The following ENKUR variants were observed in gnomAD, a reference collection of about 807,000 sequenced individuals.
The protein encoded by ENKUR is enkurin, TRPC channel interacting protein, also known as enkurin.
ENKUR carries 19 observed loss-of-function variants against 27.6 expected under a neutral mutation model. The observed-to-expected ratio is 0.69, with a 90% confidence interval of 0.48 to 1.01. The LOEUF (loss-of-function observed/expected upper bound fraction) is 1.01, where lower values mean the gene tolerates loss of function less well. Among genes scored for constraint, ENKUR ranks in the 50% least tolerant of loss-of-function variants. The probability of loss-of-function intolerance (pLI) is 0.00; values close to 1 mark genes in which losing one functional copy is unlikely to be tolerated. For synonymous variants in ENKUR, 117 were observed against 96.9 expected (o/e 1.21, Z -1.22); for missense variants, 312 against 310.5 (o/e 1.00, Z -0.04).
chr10:25,014,738 C>A (rs1850527009), intron 1 of ENKUR, among the ~76,000 whole-genome samples: 1 of 152,154 alleles, frequency 6.6e-6, no homozygotes, highest in South Asian at 2.1e-4. Flanking sequence ...TGTGCCATAA[C>A]TTACTTTACA....
At chr10:24,998,358 C>CCTCT (rs34059986) in intron 2 of ENKUR, among the ~76,000 whole-genome samples, 119 of 117,404 alleles carry the variant, frequency 1.0e-3, no homozygotes, top group Middle Eastern at 4.2e-3. Flanking sequence ...TTCCTTCCTT[C>CCTCT]CTCTCTCTCT....
At chr10:24,996,454 G>GTATATATATATA (rs774819339) in intron 2 of ENKUR, among the ~76,000 whole-genome samples, 196 of 149,484 alleles carry the variant, frequency 1.3e-3, no homozygotes, top group South Asian at 5.8e-3. Flanking sequence ...GTGTGTGTGT[G>GTATATATATATA]TGTATATATA....
At chr10:25,029,721 T>A (rs1202530787) in intron 2 of ENKUR, among the ~76,000 whole-genome samples, 1 of 152,200 alleles carries the variant, frequency 6.6e-6, no homozygotes, top group African/African-American at 2.4e-5. Context: ...TTGAAACTTT[T>A]GCTTTCAAAA....
intron 1 of ENKUR, among the ~76,000 whole-genome samples, chr10:25,005,042 C>T (rs182571449): frequency 2.7e-4 from 41 of 152,150 alleles, no homozygotes; most frequent in Admixed American, 8.5e-4. Context: ...TTGTGTTTGT[C>T]GGGTTTGTCA....
At chr10:24,988,675 T>C (rs1849849852) in intron 4 of ENKUR, among the ~76,000 whole-genome samples, 1 of 1,182 alleles carries the variant, frequency 8.5e-4, no homozygotes, top group Non-Finnish European at 2.0e-3. Context: ...TATATATATA[T>C]ATATATATAT....
chr10:25,034,192 T>C (rs1457504457), intron 2 of ENKUR, among the ~76,000 whole-genome samples: 1 of 152,178 alleles, frequency 6.6e-6, no homozygotes, highest in East Asian at 1.9e-4. Flanking sequence ...AGATTGTTTA[T>C]ATCAGTAAAA....
chr10:25,023,898 T>C, intron 2 of ENKUR: 1 of 1,614,188 alleles, frequency 6.2e-7, no homozygotes, highest in Non-Finnish European at 8.5e-7. Flanking sequence ...GATACCAAGA[T>C]GTGGACTCGG....
chr10:25,025,618 CA>C, intron 2 of ENKUR: 2 of 655,598 alleles, frequency 3.1e-6, no homozygotes. Context: ...AACTCCATGT[CA>C]CCTCCTCAGA....
intron 4 of ENKUR, among the ~76,000 whole-genome samples, chr10:24,988,931 T>C (rs1237129149): frequency 6.6e-6 from 1 of 151,540 alleles, no homozygotes; most frequent in Non-Finnish European, 1.5e-5. Flanking sequence ...GGTGGCTTTG[T>C]TACTATGGCA....
At chr10:25,024,670 C>G (rs1349707433) in intron 2 of ENKUR, 2 of 1,614,226 alleles carry the variant, frequency 1.2e-6, no homozygotes, top group East Asian at 4.5e-5. Context: ...GGTAGTTTAT[C>G]ATGCTTCCGC....
Position 25,023,083 on chromosome 10 carries a change from T to C in ENKUR, c.38-27214A>G, listed in dbSNP as rs189603421. 1.4e-4 allele frequency: 107 copies of C among 784,744 alleles called. 1 individual carries two copies. The East Asian group carries it at 2.8e-3, about 21-fold the overall frequency. The allele number at this position is 784,744 out of a possible 1,614,324, so 48.6% of individuals were successfully genotyped here. A position where few individuals can be genotyped will look rare whatever the true frequency, so the allele number is the denominator to read the frequency against. ...AACAGTTTATGTACCATGGGCATGG[T>C]TATATTCAGTCCTATTGGGATTTTA... On this transcript the variant is annotated intron_variant, in intron 2 of 5. Coordinates refer to the ENKUR transcript ENST00000615958.
At chr10:25,004,288 T>C (rs1297866162) in intron 1 of ENKUR, among the ~76,000 whole-genome samples, 1 of 152,254 alleles carries the variant, frequency 6.6e-6, no homozygotes, top group Non-Finnish European at 1.5e-5. Flanking sequence ...TTTGGGTATA[T>C]ATCCAGTTAT....
At position 24,984,305 on chromosome 10, in the gene ENKUR, A is replaced by G; in HGVS notation, c.*65T>C. 6.4e-7 allele frequency: 1 copy of G among 1,564,678 alleles called. No individual in the cohort carries two copies. Among genetic ancestry groups the G allele is most frequent in the Admixed American group, 1.8e-5 (1 of 54,296 alleles). ...GTGTTGGAGACAGTTTAGAGTAGCA[A>G]GAAGGCACGTGTTACTATTTCCAGT... On this transcript the variant is annotated 3_prime_UTR_variant, in exon 6 of 6. Transcript: ENST00000331161.
chr10:25,039,982 T>C (rs1213809891), intron 2 of ENKUR, among the ~76,000 whole-genome samples: 2 of 144,604 alleles, frequency 1.4e-5, no homozygotes, highest in East Asian at 4.0e-4. Flanking sequence ...GTCTGGGCCT[T>C]GGTGCTGGCT....
At chr10:25,028,678 G>A (rs1850898517) in intron 2 of ENKUR, among the ~76,000 whole-genome samples, 1 of 152,044 alleles carries the variant, frequency 6.6e-6, no homozygotes, top group Admixed American at 6.6e-5. Flanking sequence ...CTACATACAT[G>A]GTCTCCACTT....
intron 1 of ENKUR, 25 bp from the exon 2 acceptor site, chr10:24,999,571 A>G (rs779886703): frequency 1.9e-6 from 3 of 1,575,750 alleles, no homozygotes; most frequent in Non-Finnish European, 2.6e-6. Flanking sequence ...TAAAAGTTGT[A>G]GCATTTATAC....
chr10:24,998,973 G>A (rs1034730421), intron 2 of ENKUR, among the ~76,000 whole-genome samples: 2 of 152,184 alleles, frequency 1.3e-5, no homozygotes, highest in East Asian at 3.8e-4. Context: ...TACTCAAAAT[G>A]AGCCCAGTAG....
intron 4 of ENKUR, among the ~76,000 whole-genome samples, chr10:24,990,198 A>C (rs1354118475): frequency 6.6e-6 from 1 of 152,240 alleles, no homozygotes; most frequent in South Asian, 2.1e-4. Context: ...TTGTAGAGGA[A>C]GGTAGGCTTC....
rs143076199 is a variant in ENKUR, at chr10:25,025,198, C to T, written c.38-29329G>A. The T allele has an allele frequency of 3.2e-5, 52 of 1,613,990 alleles. No individual in the cohort carries two copies. Among genetic ancestry groups the T allele is most frequent in the African/African-American group, 4.0e-5 (3 of 74,894 alleles). On this transcript the variant is annotated intron_variant, in intron 2 of 5. Transcript: ENST00000615958. Reference sequence around the variant, plus strand: ...AGATAGGGTGCAAGACAAAACTTGCCCTGTGATTATCTCATCTACAGCCCA... The same window carrying T: ...AGATAGGGTGCAAGACAAAACTTGCTCTGTGATTATCTCATCTACAGCCCA...
Sources: gnomAD v4.1 joint callset for allele counts (sites outside exome capture counted in the v4.1 genomes callset) on GRCh38, gnomAD v4.1.1 for gene constraint, MANE v1.5 for transcripts, NCBI Gene and HGNC (gene_info 2026-07-23, HGNC 2026-07-21) for gene names.